CTNNA3: variants seen among roughly 807,000 people sequenced by gnomAD.
CTNNA3 encodes the protein catenin alpha 3.
A neutral mutation model predicts 95.7 loss-of-function variants in CTNNA3; 76 were observed. The ratio of observed to expected loss-of-function variants is 0.79; its 90% CI spans 0.66 to 0.96. The LOEUF (loss-of-function observed/expected upper bound fraction) is 0.96. CTNNA3 is among the 40% of genes least tolerant of loss of function. The pLI is 0.00. For synonymous variants in CTNNA3, 431 were observed against 374.4 expected (o/e 1.15, Z -1.74); for missense variants, 1,191 against 1,089.8 (o/e 1.09, Z -1.31).
rs149858005 is a variant in CTNNA3 at position 67,242,957 on chromosome 10, T to C, written c.580-23087A>G. On this transcript the variant is annotated intron_variant, in intron 5 of 17. Transcript: ENST00000433211. ...ATTAATGAAGTTAAATGATTTAATG[T>C]CAAAGACTTTTCCAGCATTTTCTTA... 8.5e-3 allele frequency among the ~76,000 whole-genome samples: 1,290 copies of C among 152,356 alleles called. 13 individuals are homozygous for C. Among genetic ancestry groups the C allele is most frequent in the African/African-American group, 0.023 (977 of 41,588 alleles).
At chr10:67,428,873 A>C (rs1412460909) in intron 5 of CTNNA3, among the ~76,000 whole-genome samples, 1 of 151,926 alleles carries the variant, frequency 6.6e-6, no homozygotes, top group Admixed American at 6.6e-5. Context: ...CAAGTTCTTC[A>C]GTATTAGAAC....
Position 66,419,474 on chromosome 10 carries a change from C to A in CTNNA3, c.1532-40122G>T, listed in dbSNP as rs553181372. ...TAAAAGGACCATACTCCATAAACAA[C>A]CTAAAGACTCAATGCAATCCCTATG... is the stretch of plus-strand genomic sequence containing the variant. On this transcript the variant is annotated intron_variant, in intron 11 of 17. Coordinates refer to ENST00000433211, the MANE Select transcript of CTNNA3 (RefSeq NM_013266.4). Among the ~76,000 whole-genome samples the A allele has an allele frequency of 1.3e-4, 20 of 151,994 alleles. No homozygotes were observed. The East Asian group carries it at 3.7e-3, about 28-fold the overall frequency.
chr10:67,493,516 C>T (rs1032762045), intron 5 of CTNNA3, among the ~76,000 whole-genome samples: 6 of 149,222 alleles, frequency 4.0e-5, no homozygotes, highest in South Asian at 4.2e-4. Context: ...GAGCAGAGAT[C>T]GCACCACTGC....
intron 7 of CTNNA3, among the ~76,000 whole-genome samples, chr10:66,814,990 T>A (rs1298579003): frequency 6.6e-6 from 1 of 151,636 alleles, no homozygotes; most frequent in Non-Finnish European, 1.5e-5. Flanking sequence ...GAGTTGGGAC[T>A]ACAGGCGCCT....
chr10:66,007,090 A>G (rs1289580015), intron 15 of CTNNA3, among the ~76,000 whole-genome samples: 1 of 152,058 alleles, frequency 6.6e-6, no homozygotes, highest in African/African-American at 2.4e-5. Context: ...AAAGCTTACT[A>G]TTTTCAATCA....
intron 13 of CTNNA3, among the ~76,000 whole-genome samples, chr10:66,249,772 C>T (rs1294700657): frequency 6.6e-6 from 1 of 151,996 alleles, no homozygotes; most frequent in African/African-American, 2.4e-5. Context: ...TGCAGTGAGC[C>T]GAGATAGCAC....
At chr10:66,016,411 C>T (rs566869955) in intron 15 of CTNNA3, among the ~76,000 whole-genome samples, 2 of 152,280 alleles carry the variant, frequency 1.3e-5, no homozygotes, top group East Asian at 1.9e-4. Context: ...CACTTATGGT[C>T]TATCATTTAG....
chr10:66,858,921 C>T lies in CTNNA3; in HGVS notation c.1048-83397G>A, dbSNP rs577211933. ...GATTTTGCTTATTTCTTATGCTCTG[C>T]TTTGAGTTCAACCATTTTGAAAAAC... On this transcript the variant is annotated intron_variant, in intron 7 of 17. Transcript: ENST00000433211. Among the ~76,000 whole-genome samples, 15 of 152,020 alleles carry T rather than the reference C, an allele frequency of 9.9e-5. No individual in the cohort carries two copies. In the South Asian group the frequency reaches 1.9e-3, roughly 19 times the overall value.
intron 13 of CTNNA3, among the ~76,000 whole-genome samples, chr10:66,204,565 G>A (rs140221773): frequency 5.9e-5 from 9 of 152,218 alleles, no homozygotes; most frequent in African/African-American, 1.9e-4. Flanking sequence ...AGCTCCAGAC[G>A]TGTATCTCCT....
At chr10:66,936,533 T>C (rs1031442787) in intron 7 of CTNNA3, among the ~76,000 whole-genome samples, 3 of 152,134 alleles carry the variant, frequency 2.0e-5, no homozygotes, top group African/African-American at 7.2e-5. Context: ...ATCTTAATTC[T>C]TTGAGTGCAC....
chr10:67,556,379 G>A (rs1358729362), intron 3 of CTNNA3, among the ~76,000 whole-genome samples: 1 of 152,092 alleles, frequency 6.6e-6, no homozygotes, highest in East Asian at 1.9e-4. Context: ...GAATCCATCT[G>A]GTCCTGGAAT....
rs576358130 is a variant in CTNNA3, at chr10:66,097,151, A to T, written c.1977+6006T>A. Among the ~76,000 whole-genome samples, 29 of 152,304 alleles carry T rather than the reference A, an allele frequency of 1.9e-4. No homozygotes were observed. In the South Asian group the frequency reaches 4.8e-3, roughly 25 times the overall value. On this transcript the variant is annotated intron_variant, in intron 14 of 17. Transcript: ENST00000433211. ...TTTTAATCTCTTAAAGCATTTCTTCATTAGTCCCCTTCTTGAGGCAAAAAA... is the reference window on the plus strand; with the variant it reads ...TTTTAATCTCTTAAAGCATTTCTTCTTTAGTCCCCTTCTTGAGGCAAAAAA...
intron 11 of CTNNA3, among the ~76,000 whole-genome samples, chr10:66,452,438 C>G (rs1295215954): frequency 6.6e-6 from 1 of 152,132 alleles, no homozygotes; most frequent in African/African-American, 2.4e-5. Flanking sequence ...GTGACTCCAT[C>G]TTGCTTCTAA....
chr10:66,570,391 C>A (rs774379593), intron 10 of CTNNA3, among the ~76,000 whole-genome samples: 65 of 152,162 alleles, frequency 4.3e-4, no homozygotes, highest in African/African-American at 1.3e-3. Flanking sequence ...CGGGTTCAAG[C>A]GATTCTCCTA....
At chr10:66,799,859 G>T (rs1475107250) in intron 7 of CTNNA3, among the ~76,000 whole-genome samples, 2 of 150,986 alleles carry the variant, frequency 1.3e-5, no homozygotes, top group African/African-American at 4.9e-5. Flanking sequence ...AATCTTAAAA[G>T]CAGCCAGAGA....
At chr10:66,951,786 G>C (rs953223297) in intron 7 of CTNNA3, among the ~76,000 whole-genome samples, 1 of 152,108 alleles carries the variant, frequency 6.6e-6, no homozygotes, top group Non-Finnish European at 1.5e-5. Flanking sequence ...CACTGGGAAG[G>C]GATCTAGAGG....
intron 9 of CTNNA3, among the ~76,000 whole-genome samples, chr10:66,713,794 T>A (rs1848368408): frequency 1.3e-5 from 2 of 152,218 alleles, no homozygotes; most frequent in South Asian, 4.1e-4. Flanking sequence ...CCCATTTAAT[T>A]TTTGGCTTGG....
At position 66,039,115 on chromosome 10, in the gene CTNNA3, A is replaced by C. The variant is rs75181935; in HGVS notation, c.2159+30193T>G. On this transcript the variant is annotated intron_variant, in intron 15 of 17. Coordinates refer to ENST00000433211, the MANE Select transcript of CTNNA3 (RefSeq NM_013266.4). ...ACACACCAACAACATCCAAGCTGAG[A>C]GCCAAATCAGGAATGCAATCTCATT... 2.5e-3 allele frequency among the ~76,000 whole-genome samples: 374 copies of C among 152,344 alleles called. 20 individuals carry two copies. The East Asian group carries it at 0.059, about 24-fold the overall frequency.
chr10:66,935,107 T>A (rs1847622500), intron 7 of CTNNA3, among the ~76,000 whole-genome samples: 1 of 152,242 alleles, frequency 6.6e-6, no homozygotes, highest in Non-Finnish European at 1.5e-5. Flanking sequence ...AAAGAAAGAA[T>A]ATGCTTACCA....
Sources: gnomAD v4.1 joint callset for allele counts (sites outside exome capture counted in the v4.1 genomes callset) on GRCh38, gnomAD v4.1.1 for gene constraint, MANE v1.5 for transcripts, NCBI Gene and HGNC (gene_info 2026-07-23, HGNC 2026-07-21) for gene names.